Variants in ZC3H12C observed in about 807,000 individuals in gnomAD.
The protein encoded by ZC3H12C is zinc finger CCCH-type containing 12C.
A neutral mutation model predicts 76.3 loss-of-function variants in ZC3H12C; 20 were observed. That is an observed-to-expected ratio of 0.26 (90% CI 0.18 to 0.38). ZC3H12C has a LOEUF of 0.38. Ranked by LOEUF, ZC3H12C falls within the 10% of genes least tolerant of loss-of-function variation. The pLI, the probability that ZC3H12C is intolerant of heterozygous loss-of-function variation, is 1.00. For missense variants in ZC3H12C, 874 were observed against 1,086.5 expected (o/e 0.80, Z 2.75); for synonymous variants, 352 against 399.6 (o/e 0.88, Z 1.42).
chr11:110,110,080 G>A (rs1861400198), intron 1 of ZC3H12C, among the ~76,000 whole-genome samples: 1 of 152,094 alleles, frequency 6.6e-6, no homozygotes, highest in Admixed American at 6.5e-5. Context: ...TGAGATACAG[G>A]GGTTGCTTTT....
At chr11:110,155,405 G>A (rs12272407) in intron 3 of ZC3H12C, among the ~76,000 whole-genome samples, 8,209 of 152,146 alleles carry the variant, frequency 0.054, 747 homozygotes, top group African/African-American at 0.19. Context: ...CAAGAAAGTA[G>A]TTGGTCTTAA....
intron 1 of ZC3H12C, among the ~76,000 whole-genome samples, chr11:110,111,879 A>G (rs910980877): frequency 6.6e-6 from 1 of 151,904 alleles, no homozygotes; most frequent in African/African-American, 2.4e-5. Flanking sequence ...CAATGGAGTA[A>G]AAGTTTTTTC....
At chr11:110,108,503 A>T (rs555092061) in intron 1 of ZC3H12C, among the ~76,000 whole-genome samples, 1 of 152,328 alleles carries the variant, frequency 6.6e-6, no homozygotes, top group East Asian at 1.9e-4. Context: ...TTTAGCATGT[A>T]AAAAACGATT....
At chr11:110,124,165 T>C (rs1861698868) in intron 1 of ZC3H12C, 1 of 152,194 alleles carries the variant, frequency 6.6e-6, no homozygotes, top group African/African-American at 2.4e-5. Flanking sequence ...AAAAGACCCG[T>C]CATCACTGGG....
intron 3 of ZC3H12C, among the ~76,000 whole-genome samples, chr11:110,158,889 G>T (rs1460071981): frequency 6.6e-6 from 1 of 152,214 alleles, no homozygotes. Flanking sequence ...ACAGCATACA[G>T]CTGCTTTATT....
intron 1 of ZC3H12C, among the ~76,000 whole-genome samples, chr11:110,099,997 A>G (rs1861182789): frequency 7.2e-6 from 1 of 139,654 alleles, no homozygotes; most frequent in Non-Finnish European, 1.5e-5. Context: ...TCAATAGAGA[A>G]AATACTACCT....
intron 2 of ZC3H12C, among the ~76,000 whole-genome samples, chr11:110,142,147 A>G (rs595379): frequency 0.76 from 115,383 of 152,056 alleles, 43,975 homozygotes; most frequent in East Asian, 0.9. Flanking sequence ...GCTTTTTGTT[A>G]TTGTTTAATT....
In ZC3H12C at chr11:110,164,480, G is replaced by A; in HGVS notation, c.1395G>A (p.Val465=). 6.2e-7 allele frequency: 1 copy of A among 1,614,016 alleles called. No homozygotes were observed. The highest frequency in any genetic ancestry group is 1.1e-5 in the South Asian group (1 of 91,076). The change falls in exon 6 of 6, where the codon GTG becomes GTA. Residue 465 remains valine, a synonymous_variant. Transcript: ENST00000278590. The surrounding 1 kb of genome is among the most constrained non-coding windows in gnomAD (Gnocchi z 5.7). ...AAKTANEGGL[V]KSNSVPCSTK... ...AAACTGCAAACGAAGGAGGACTGGT[G>A]AAAAGCAACAGTGTTCCTTGTAGCA...
intron 3 of ZC3H12C, among the ~76,000 whole-genome samples, chr11:110,159,053 A>G (rs1168533197): frequency 6.6e-6 from 1 of 152,108 alleles, no homozygotes; most frequent in Non-Finnish European, 1.5e-5. Flanking sequence ...AACTAGTTTT[A>G]AAGTCTTTAT....
chr11:110,165,318 G>C lies in ZC3H12C; in HGVS notation c.2233G>C (p.Ala745Pro). The C allele has an allele frequency of 6.2e-7, 1 of 1,613,956 alleles. No individual in the cohort carries two copies. The highest frequency in any genetic ancestry group is 8.5e-7 in the Non-Finnish European group (1 of 1,179,870). The change falls in exon 6 of 6, where the codon GCC (alanine) becomes CCC (proline). Residue 745 changes from alanine (A) to proline (P), a missense_variant. Physicochemically the swap from Ala to Pro is conservative, Grantham distance 27. Around this residue, in one of 3 missense-constraint regions of ZC3H12C, gnomAD observed 395 missense variants for 434.4 expected, o/e 0.91. Coordinates refer to ENST00000278590, the MANE Select transcript of ZC3H12C (RefSeq NM_033390.2). ...KAPHLGRSLV[A>P]TRIDSISDSR... ...ACCACACCTAGGGAGGTCCTTGGTGGCCACGAGAATAGACAGCATCTCTGA... is the reference window on the plus strand; with the variant it reads ...ACCACACCTAGGGAGGTCCTTGGTGCCCACGAGAATAGACAGCATCTCTGA...
In ZC3H12C at chr11:110,156,540, C is replaced by T. The variant is rs137945531; in HGVS notation, c.914-2716C>T. ...AGCAACATGATGACTGTGAGGCCAC[C>T]GAACTTAATCTACAACTCACTTTGG... is the stretch of plus-strand genomic sequence containing the variant. On this transcript the variant is annotated intron_variant, in intron 3 of 5. Coordinates refer to ENST00000278590, the MANE Select transcript of ZC3H12C (RefSeq NM_033390.2). Among the ~76,000 whole-genome samples, 8 of 152,262 alleles carry T rather than the reference C, an allele frequency of 5.3e-5. No homozygotes were observed. In the East Asian group the frequency reaches 5.8e-4, roughly 11 times the overall value.
intron 1 of ZC3H12C, among the ~76,000 whole-genome samples, chr11:110,110,743 G>A (rs1861412104): frequency 6.6e-6 from 1 of 152,010 alleles, no homozygotes; most frequent in African/African-American, 2.4e-5. Flanking sequence ...CCTCTGACTG[G>A]TCCTAAGGTC....
chr11:110,158,153 A>G (rs1025102023), intron 3 of ZC3H12C, among the ~76,000 whole-genome samples: 1 of 152,214 alleles, frequency 6.6e-6, no homozygotes, highest in African/African-American at 2.4e-5. Flanking sequence ...TGATTAACAT[A>G]TGAACTCTAG....
At position 110,137,273 on chromosome 11, in the gene ZC3H12C, C is replaced by T. The variant is rs201652254; in HGVS notation, c.632C>T (p.Thr211Met). 35 of 1,613,874 alleles carry T rather than the reference C, an allele frequency of 2.2e-5. No homozygotes were observed. The Admixed American group carries it at 3.2e-4, about 15-fold the overall frequency. ...GGAAATAAAAGTGAGGCTGATCAAA[C>T]GGTTAGTACAATTAACACTATAACA... ...KLGNKSEADQ[T>M]VSTINTITRE... The change falls in exon 2 of 6, where the codon ACG becomes ATG. Residue 211 changes from threonine (T) to methionine (M), a missense_variant. Coordinates refer to ENST00000278590, the MANE Select transcript of ZC3H12C (RefSeq NM_033390.2).
Position 110,168,577 on chromosome 11 carries a change from A to G in ZC3H12C, c.*2840A>G, listed in dbSNP as rs968846224. On this transcript the variant is annotated 3_prime_UTR_variant, in exon 6 of 6. Transcript: ENST00000278590. ...TTGCCAGAAATGGTCAACTGATCGG[A>G]AAAAAAAGGATTCAGACTGGAGTAT... 4 of 152,028 alleles carry G rather than the reference A, an allele frequency of 2.6e-5. No homozygotes were observed. Among genetic ancestry groups the G allele is most frequent in the African/African-American group, 9.7e-5 (4 of 41,424 alleles). The allele number at this position is 152,028 out of a possible 1,614,324, so 9.4% of individuals were successfully genotyped here. A position where few individuals can be genotyped will look rare whatever the true frequency, so the allele number is the denominator to read the frequency against.
intron 2 of ZC3H12C, among the ~76,000 whole-genome samples, chr11:110,147,835 C>A (rs1368202538): frequency 6.6e-6 from 1 of 152,102 alleles, no homozygotes; most frequent in African/African-American, 2.4e-5. Context: ...TTTCTGCCTC[C>A]GTAGCTGTGT....
At chr11:110,115,146 A>T (rs561874079) in intron 1 of ZC3H12C, among the ~76,000 whole-genome samples, 1 of 152,096 alleles carries the variant, frequency 6.6e-6, no homozygotes, top group African/African-American at 2.4e-5. Flanking sequence ...TCACACTGTC[A>T]TCCAGGCTGG....
At chr11:110,130,970 C>A in intron 1 of ZC3H12C, 4 of 1,477,764 alleles carry the variant, frequency 2.7e-6, no homozygotes, top group Non-Finnish European at 3.6e-6. Flanking sequence ...ATAGGTTAAG[C>A]AAAGACATTA....
At chr11:110,160,024 T>TA (rs1207310952) in intron 4 of ZC3H12C, among the ~76,000 whole-genome samples, 1 of 152,252 alleles carries the variant, frequency 6.6e-6, no homozygotes, top group Non-Finnish European at 1.5e-5. Flanking sequence ...TACCAACTTG[T>TA]ATAGCATGCT....
Sources: gnomAD v4.1 joint callset for allele counts (sites outside exome capture counted in the v4.1 genomes callset) on GRCh38, gnomAD v4.1.1 for gene constraint, gnomAD v4.1.1 regional missense constraint, Gnocchi (gnomAD v3.1) non-coding constraint, MANE v1.5 for transcripts, NCBI Gene and HGNC (gene_info 2026-07-23, HGNC 2026-07-21) for gene names.